EYA1: variants seen among roughly 807,000 people sequenced by gnomAD.
The protein encoded by EYA1 is protein phosphatase EYA1.
Under a neutral mutation model 82.0 loss-of-function variants are expected in EYA1, and 16 were observed. The observed-to-expected ratio is 0.20, with a 90% CI of 0.13 to 0.30. The LOEUF (loss-of-function observed/expected upper bound fraction) is 0.30. Ranked by LOEUF, EYA1 falls within the 10% of genes least tolerant of loss-of-function variation. The pLI, the probability that EYA1 is intolerant of heterozygous loss-of-function variation, is 1.00. For missense variants in EYA1, 633 were observed against 730.7 expected, an observed-to-expected ratio of 0.87 and a Z score of 1.54; for synonymous variants, 261 against 264.4, an observed-to-expected ratio of 0.99 and a Z score of 0.12.
At chr8:71,272,828 T>G (rs1036750396) in intron 9 of EYA1, among the ~76,000 whole-genome samples, 3 of 152,224 alleles carry the variant, frequency 2.0e-5, no homozygotes, top group Non-Finnish European at 4.4e-5. Flanking sequence ...TCCAGATTTC[T>G]GTACCAGATT....
At chr8:71,429,593 A>G (rs890937417) in intron 2 of EYA1, among the ~76,000 whole-genome samples, 1 of 152,144 alleles carries the variant, frequency 6.6e-6, no homozygotes, top group African/African-American at 2.4e-5. Context: ...TGAATTGTTC[A>G]AATGTTACAG....
intron 2 of EYA1, among the ~76,000 whole-genome samples, chr8:71,443,515 G>C (rs1474591687): frequency 6.6e-6 from 1 of 152,074 alleles, no homozygotes; most frequent in Admixed American, 6.5e-5. Flanking sequence ...CCCTGGCTTC[G>C]GGTGATCCAC....
chr8:71,250,632 T>G (rs1813640457), intron 11 of EYA1, among the ~76,000 whole-genome samples: 1 of 152,174 alleles, frequency 6.6e-6, no homozygotes, highest in Non-Finnish European at 1.5e-5. Context: ...AAAAACATAG[T>G]GGGAGGCTCT....
intron 11 of EYA1, among the ~76,000 whole-genome samples, chr8:71,264,298 T>C (rs921204563): frequency 6.6e-6 from 1 of 152,230 alleles, no homozygotes; most frequent in Admixed American, 6.5e-5. Flanking sequence ...CAATCTCTAC[T>C]GGCGAACTGA....
chr8:71,539,344 G>A (rs1052098918), intron 1 of EYA1, among the ~76,000 whole-genome samples: 3 of 152,184 alleles, frequency 2.0e-5, no homozygotes, highest in African/African-American at 7.2e-5. Context: ...AGCAGAGAGT[G>A]GCATGCAGCC....
In EYA1 at chr8:71,448,024, T is replaced by TAGG. The variant is rs1807031074; in HGVS notation, c.33+87719_33+87720insCCT. 3.5e-5 allele frequency among the ~76,000 whole-genome samples: 2 copies of TAGG among 56,610 alleles called. 1 individual carries two copies. The highest frequency in any genetic ancestry group is 1.8e-4 in the African/African-American group (2 of 11,062). 37.1% of individuals were successfully genotyped at this position (56,610 alleles called of 152,430 possible). ...TGTTTAAGAGCTTTTTTTTTTTTTT[T>TAGG]TTCTCGCTCCGTTGCCCAGGCTGCA... On this transcript the variant is annotated intron_variant, in intron 2 of 18. Coordinates refer to the EYA1 transcript ENST00000643681.
intron 7 of EYA1, among the ~76,000 whole-genome samples, chr8:71,313,030 G>A (rs565687486): frequency 7.9e-5 from 12 of 152,220 alleles, no homozygotes; most frequent in African/African-American, 2.9e-4. Context: ...GACCAACAAG[G>A]ACTTGGTTGA....
At position 71,264,858 on chromosome 8, in the gene EYA1, C is replaced by T. The variant is rs6987919; in HGVS notation, c.1050+4882G>A. Among the ~76,000 whole-genome samples the T allele has an allele frequency of 5.7e-3, 873 of 152,242 alleles. 9 individuals carry two copies. The highest frequency in any genetic ancestry group is 0.02 in the African/African-American group (840 of 41,532). ...TCAGCCTCCCAAAGTGCTGGGATTA[C>T]ACGCATAAACCACCATGCTGGGCCA... On this transcript the variant is annotated intron_variant, in intron 11 of 17. Coordinates refer to ENST00000340726, the MANE Select transcript of EYA1 (RefSeq NM_000503.6).
chr8:71,389,953 CTATTGAATTTATCATT>C (rs1315503593), intron 2 of EYA1, among the ~76,000 whole-genome samples: 5 of 152,112 alleles, frequency 3.3e-5, no homozygotes, highest in Non-Finnish European at 5.9e-5. Flanking sequence ...GTTTGTACCA[CTATTGAATTTATCATT>C]TATTGAATTT....
rs75044677 is a variant in EYA1, at chr8:71,342,947, A to G, written c.125-8773T>C. Among the ~76,000 whole-genome samples the G allele has an allele frequency of 9.3e-3, 1,415 of 152,328 alleles. 20 individuals carry two copies. The highest frequency in any genetic ancestry group is 0.033 in the African/African-American group (1,356 of 41,578). On this transcript the variant is annotated intron_variant, in intron 3 of 17. Coordinates refer to ENST00000340726, the MANE Select transcript of EYA1 (RefSeq NM_000503.6). ...AGAGAGATAAATATCTAAATTAAAT[A>G]TTTTGTTTGAAAATCACAGAATTGC... is the stretch of plus-strand genomic sequence containing the variant.
intron 17 of EYA1, among the ~76,000 whole-genome samples, chr8:71,206,612 A>G (rs1050019529): frequency 3.3e-5 from 5 of 152,162 alleles, no homozygotes; most frequent in African/African-American, 1.2e-4. Context: ...ATTTTGGCCG[A>G]ATTATTCACC....
At position 71,497,669 on chromosome 8, in the gene EYA1, A is replaced by G. The variant is rs1811516648; in HGVS notation, c.33+38075T>C. ...TGGAAAACACTAAGGAGGTTCCTCA[A>G]AAAATTAAAAACAGAACTACCCTTT... On this transcript the variant is annotated intron_variant, in intron 2 of 18. Coordinates refer to the EYA1 transcript ENST00000643681. Among the ~76,000 whole-genome samples the G allele has an allele frequency of 2.6e-5, 4 of 152,226 alleles. No homozygotes were observed. The South Asian group carries it at 8.3e-4, about 32-fold the overall frequency.
chr8:71,479,409 C>A (rs925622135), intron 2 of EYA1, among the ~76,000 whole-genome samples: 3 of 152,104 alleles, frequency 2.0e-5, no homozygotes, highest in Non-Finnish European at 4.4e-5. Flanking sequence ...AATTTTCTTT[C>A]TCTTTCCACA....
intron 11 of EYA1, among the ~76,000 whole-genome samples, chr8:71,248,111 G>C (rs896383538): frequency 6.6e-6 from 1 of 152,074 alleles, no homozygotes; most frequent in Admixed American, 6.5e-5. Flanking sequence ...AAATTTTAAA[G>C]GCTTGTTCAG....
intron 2 of EYA1, among the ~76,000 whole-genome samples, chr8:71,368,178 A>T (rs977102568): frequency 6.6e-6 from 1 of 152,168 alleles, no homozygotes; most frequent in Non-Finnish European, 1.5e-5. Flanking sequence ...TATGTTTTAA[A>T]TGTGGAAGAT....
intron 2 of EYA1, among the ~76,000 whole-genome samples, chr8:71,471,484 TATATATAGGACATCTATATGTAG>T (rs1284179731): frequency 6.6e-6 from 1 of 152,068 alleles, no homozygotes; most frequent in Non-Finnish European, 1.5e-5. Context: ...TATCTATACC[TATATATAGGACATCTATATGTAG>T]ATGATCAGCT....
At position 71,299,268 on chromosome 8, in the gene EYA1, A is replaced by G. The variant is rs1213219240; in HGVS notation, c.640-35T>C. 6 of 1,596,010 alleles carry G rather than the reference A, an allele frequency of 3.8e-6. No individual in the cohort carries two copies. The South Asian group carries it at 6.6e-5, about 18-fold the overall frequency. On this transcript the variant is annotated intron_variant, in intron 8 of 17. Coordinates refer to ENST00000340726, the MANE Select transcript of EYA1 (RefSeq NM_000503.6). ...CAAACCACACAAGAATTGTCTGTCAAAATACTGCTGCTTATCTCTTACATA... is the reference window on the plus strand; with the variant it reads ...CAAACCACACAAGAATTGTCTGTCAGAATACTGCTGCTTATCTCTTACATA...
chr8:71,251,178 G>C (rs1295790583), intron 11 of EYA1, among the ~76,000 whole-genome samples: 1 of 152,146 alleles, frequency 6.6e-6, no homozygotes, highest in African/African-American at 2.4e-5. Context: ...GTAGTGGTAT[G>C]TATTACACCA....
chr8:71,358,780 T>C (rs879769386), intron 1 of EYA1, among the ~76,000 whole-genome samples: 4 of 152,172 alleles, frequency 2.6e-5, no homozygotes, highest in Non-Finnish European at 2.9e-5. Flanking sequence ...TGTTTGATAA[T>C]ATCTCTGGAA....
Sources: gnomAD v4.1 joint callset for allele counts (sites outside exome capture counted in the v4.1 genomes callset) on GRCh38, gnomAD v4.1.1 for gene constraint, MANE v1.5 for transcripts, NCBI Gene and HGNC (gene_info 2026-07-23, HGNC 2026-07-21) for gene names.